Variants in PRMT8 observed in about 807,000 individuals in gnomAD.
The protein encoded by PRMT8 is protein arginine methyltransferase 8.
PRMT8 carries 7 observed loss-of-function variants against 47.1 expected under a neutral mutation model. The ratio of observed to expected loss-of-function variants is 0.15; its 90% CI spans 0.08 to 0.28. The LOEUF (loss-of-function observed/expected upper bound fraction) is 0.28. PRMT8 is among the 10% of genes least tolerant of loss of function. The probability of loss-of-function intolerance (pLI) is 1.00; values close to 1 mark genes in which losing one functional copy is unlikely to be tolerated. For missense variants in PRMT8, 237 were observed against 505.4 expected (o/e 0.47, Z 5.09); for synonymous variants, 188 against 186.5 (o/e 1.01, Z -0.07).
At chr12:3,399,731 C>A (rs1178122676) in intron 1 of PRMT8, among the ~76,000 whole-genome samples, 2 of 152,160 alleles carry the variant, frequency 1.3e-5, no homozygotes, top group Admixed American at 1.3e-4. Context: ...TATCTACATG[C>A]AATTTTTATA....
chr12:3,467,075 T>C (rs1057375515), intron 1 of PRMT8, among the ~76,000 whole-genome samples: 1 of 151,378 alleles, frequency 6.6e-6, no homozygotes, highest in Non-Finnish European at 1.5e-5. Flanking sequence ...CCGTCTCTAC[T>C]AAAAATACAA....
At chr12:3,401,133 G>A (rs1864311220) in intron 1 of PRMT8, among the ~76,000 whole-genome samples, 1 of 115,304 alleles carries the variant, frequency 8.7e-6, no homozygotes, top group African/African-American at 3.5e-5. Flanking sequence ...GACAACAAGA[G>A]CGAAACTCCA....
At chr12:3,475,700 TC>T (rs1865205357) in intron 1 of PRMT8, among the ~76,000 whole-genome samples, 1 of 142,770 alleles carries the variant, frequency 7.0e-6, no homozygotes, top group Non-Finnish European at 1.5e-5. Context: ...CCATTCCTTG[TC>T]CTGAAAGGGC....
chr12:3,412,801 A>T (rs1864445007), intron 1 of PRMT8, among the ~76,000 whole-genome samples: 1 of 152,126 alleles, frequency 6.6e-6, no homozygotes, highest in African/African-American at 2.4e-5. Context: ...TTTTAGTAGA[A>T]ACAGGGTTTT....
intron 1 of PRMT8, among the ~76,000 whole-genome samples, chr12:3,511,465 G>T (rs1306949069): frequency 2.0e-5 from 3 of 152,194 alleles, no homozygotes; most frequent in African/African-American, 7.2e-5. Context: ...CAGGCAGCCT[G>T]CTGGCAATTA....
chr12:3,445,408 T>A (rs899408726), intron 1 of PRMT8, among the ~76,000 whole-genome samples: 1 of 152,242 alleles, frequency 6.6e-6, no homozygotes, highest in Non-Finnish European at 1.5e-5. Context: ...TTCACTTTAT[T>A]GATTTAAAGT....
chr12:3,443,973 A>G (rs536958653), intron 1 of PRMT8, among the ~76,000 whole-genome samples: 1 of 152,152 alleles, frequency 6.6e-6, no homozygotes, highest in Non-Finnish European at 1.5e-5. Flanking sequence ...CCTAAACATC[A>G]TTGCTTTAAA....
intron 1 of PRMT8, among the ~76,000 whole-genome samples, chr12:3,507,598 C>A (rs1488850588): frequency 1.3e-5 from 2 of 151,852 alleles, no homozygotes; most frequent in African/African-American, 4.8e-5. Context: ...GTAGATAGGG[C>A]CCTAATTAAG....
chr12:3,567,740 G>C (rs1305769683), intron 4 of PRMT8, among the ~76,000 whole-genome samples: 1 of 152,194 alleles, frequency 6.6e-6, no homozygotes. Context: ...GCTACTATCA[G>C]CCTACTGTTG....
At chr12:3,533,465 A>G (rs771209732) in intron 1 of PRMT8, among the ~76,000 whole-genome samples, 3 of 152,202 alleles carry the variant, frequency 2.0e-5, no homozygotes, top group African/African-American at 7.2e-5. Flanking sequence ...TTTATTTTTT[A>G]GCTCATCAGC....
chr12:3,454,948 A>G (rs1864958002), intron 1 of PRMT8, among the ~76,000 whole-genome samples: 1 of 152,142 alleles, frequency 6.6e-6, no homozygotes, highest in South Asian at 2.1e-4. Flanking sequence ...ACCCCATAGG[A>G]GCTGACGCAC....
At position 3,491,322 on chromosome 12, in the gene PRMT8, G is replaced by C; in HGVS notation, c.-304G>C. On this transcript the variant is annotated 5_prime_UTR_variant, in exon 1 of 10. Coordinates refer to ENST00000382622, the MANE Select transcript of PRMT8 (RefSeq NM_019854.5). ...CCGCCGCCGCCGCCGCGGAGGCTTC[G>C]GGGCTGCTTCCCTCGAGCTTAGCCC... 1.8e-6 allele frequency: 2 copies of C among 1,085,204 alleles called. No homozygotes were observed. Among genetic ancestry groups the C allele is most frequent in the Non-Finnish European group, 2.2e-6 (2 of 894,062 alleles). The allele number at this position is 1,085,204 out of a possible 1,614,324, so 67.2% of individuals were successfully genotyped here.
At chr12:3,391,710 T>C (rs1434242037) in intron 1 of PRMT8, among the ~76,000 whole-genome samples, 1 of 152,184 alleles carries the variant, frequency 6.6e-6, no homozygotes, top group Non-Finnish European at 1.5e-5. Flanking sequence ...CTCTAGTCTG[T>C]GAGGTTCTCA....
At position 3,493,837 on chromosome 12, in the gene PRMT8, G is replaced by A. The variant is rs1056022885; in HGVS notation, c.75+2137G>A. Among the ~76,000 whole-genome samples the A allele has an allele frequency of 2.0e-5, 3 of 152,230 alleles. No individual in the cohort carries two copies. Among genetic ancestry groups the A allele is most frequent in the African/African-American group, 4.8e-5 (2 of 41,468 alleles). On this transcript the variant is annotated intron_variant, in intron 1 of 9. Coordinates refer to ENST00000382622, the MANE Select transcript of PRMT8 (RefSeq NM_019854.5). This position sits in a 1 kb window ranked among gnomAD's most constrained non-coding sequence, Gnocchi z 8.2. ...CACGTCGCGTGCGGGGCACCAAGGC[G>A]GTGCGGGGAGGGACAGACCCAGCTG...
chr12:3,576,650 C>T lies in PRMT8; in HGVS notation c.713-221C>T, dbSNP rs1866949647. On this transcript the variant is annotated intron_variant, in intron 6 of 9. Transcript: ENST00000382622. This position sits in a 1 kb window ranked among gnomAD's most constrained non-coding sequence, Gnocchi z 4.0. Reference sequence around the variant, plus strand: ...CTCTGAGCTCTAGTTTACCTAACAACAAAGTGGGACTTACCTTTTCCCGAG... The same window carrying T: ...CTCTGAGCTCTAGTTTACCTAACAATAAAGTGGGACTTACCTTTTCCCGAG... Among the ~76,000 whole-genome samples, 1 of 152,156 alleles carries T rather than the reference C, an allele frequency of 6.6e-6. No homozygotes were observed. Among genetic ancestry groups the T allele is most frequent in the African/African-American group, 2.4e-5 (1 of 41,444 alleles).
rs945740864 is a variant in PRMT8 at position 3,557,323 on chromosome 12, G to A, written c.481+3609G>A. 1.3e-5 allele frequency among the ~76,000 whole-genome samples: 2 copies of A among 152,180 alleles called. No homozygotes were observed. The stretch of plus-strand genomic sequence containing the variant: ...CATGCAGCAGAGGGAGGGGGAGCTG[G>A]AAGTTGATGACAGTGATGGGCCGTG... On this transcript the variant is annotated intron_variant, in intron 4 of 9. Transcript: ENST00000382622. This position sits in a 1 kb window ranked among gnomAD's most constrained non-coding sequence, Gnocchi z 4.7.
intron 1 of PRMT8, among the ~76,000 whole-genome samples, chr12:3,394,623 T>C (rs1864229293): frequency 1.3e-5 from 2 of 152,356 alleles, no homozygotes; most frequent in East Asian, 1.9e-4. Flanking sequence ...CAGTATTTTA[T>C]TGAGGATTTT....
chr12:3,390,571 T>C (rs1227223205), intron 1 of PRMT8, among the ~76,000 whole-genome samples: 1 of 152,164 alleles, frequency 6.6e-6, no homozygotes, highest in Non-Finnish European at 1.5e-5. Context: ...CCATTACGAT[T>C]CCTGTTCTGC....
intron 1 of PRMT8, among the ~76,000 whole-genome samples, chr12:3,384,618 G>T (rs1313194238): frequency 1.3e-5 from 2 of 152,120 alleles, no homozygotes; most frequent in Non-Finnish European, 2.9e-5. Context: ...GGTCCCAGGT[G>T]CCGCTAGTAG....
Sources: gnomAD v4.1 joint callset for allele counts (sites outside exome capture counted in the v4.1 genomes callset) on GRCh38, gnomAD v4.1.1 for gene constraint, Gnocchi (gnomAD v3.1) non-coding constraint, MANE v1.5 for transcripts, NCBI Gene and HGNC (gene_info 2026-07-23, HGNC 2026-07-21) for gene names.